The following KCTD21 variants were observed in gnomAD, a reference collection of about 807,000 sequenced individuals.
KCTD21 encodes the protein BTB/POZ domain-containing protein KCTD21.
Under a neutral mutation model 13.2 loss-of-function variants are expected in KCTD21, and 9 were observed. The observed-to-expected ratio is 0.68, with a 90% CI of 0.41 to 1.19. The LOEUF (loss-of-function observed/expected upper bound fraction) is 1.19, where lower values mean the gene tolerates loss of function less well. Among genes scored for constraint, KCTD21 ranks in the 50% most tolerant of loss-of-function variants. The pLI is 0.01. For synonymous variants in KCTD21, 142 were observed against 137.4 expected, an observed-to-expected ratio of 1.03 and a Z score of -0.23; for missense variants, 303 against 336.5, an observed-to-expected ratio of 0.90 and a Z score of 0.78.
In KCTD21 at chr11:78,186,838, C is replaced by A. The variant is rs141267532; in HGVS notation, c.-30+1735G>T. The stretch of plus-strand genomic sequence containing the variant: ...GCATCTGCGGAGAATTTTAGTCTAA[C>A]CCCTTACCACAGCCAACTTTACTTA... On this transcript the variant is annotated intron_variant, in intron 1 of 1. Coordinates refer to ENST00000340067, the MANE Select transcript of KCTD21 (RefSeq NM_001029859.3). The A allele has an allele frequency of 9.4e-4, 922 of 985,434 alleles. 9 individuals are homozygous for A. In the African/African-American group the frequency reaches 0.015, roughly 16 times the overall value. 61.0% of individuals were successfully genotyped at this position (985,434 alleles called of 1,614,324 possible).
intron 1 of KCTD21, chr11:78,174,824 G>T (rs1862399764): frequency 2.6e-6 from 1 of 387,516 alleles, no homozygotes; most frequent in African/African-American, 2.0e-5. Context: ...GACCCCTAAA[G>T]CCTGGGTCCC....
intron 1 of KCTD21, among the ~76,000 whole-genome samples, chr11:78,185,076 T>G (rs1862730412): frequency 1.3e-5 from 2 of 152,208 alleles, no homozygotes. Flanking sequence ...TAATACTGAC[T>G]TCTTGCTTAT....
chr11:78,171,545 G>A lies in KCTD21; in HGVS notation c.*2227C>T, dbSNP rs557069789. On this transcript the variant is annotated 3_prime_UTR_variant, in exon 2 of 2. Transcript: ENST00000340067. ...ATTTGTAAGATTTCTTCCTCAAATT[G>A]TTTTGTTATGACCACAGCTTCTGCT... is the stretch of plus-strand genomic sequence containing the variant. 4.6e-5 allele frequency: 7 copies of A among 152,740 alleles called. No individual in the cohort carries two copies. Among genetic ancestry groups the A allele is most frequent in the African/African-American group, 1.4e-4 (6 of 41,582 alleles). 9.5% of individuals were successfully genotyped at this position (152,740 alleles called of 1,614,324 possible). A position where few individuals can be genotyped will look rare whatever the true frequency, so the allele number is the denominator to read the frequency against.
At chr11:78,178,130 T>TC in intron 1 of KCTD21, 1 of 123,886 alleles carries the variant, frequency 8.1e-6, no homozygotes, top group Non-Finnish European at 1.8e-5. Flanking sequence ...GCCCTTCTTT[T>TC]CTTTTTTTTT....
At chr11:78,182,996 T>C (rs58152435) in intron 1 of KCTD21, among the ~76,000 whole-genome samples, 6,950 of 152,220 alleles carry the variant, frequency 0.046, 469 homozygotes, top group African/African-American at 0.15. Flanking sequence ...GTAATGAAAA[T>C]TGTCCATCTA....
chr11:78,187,823 G>A, intron 1 of KCTD21: 1 of 985,436 alleles, frequency 1.0e-6, no homozygotes. Context: ...CCCACGCCAA[G>A]CTAAACCTCT....
At chr11:78,174,629 A>G in intron 1 of KCTD21, 46 bp from the exon 2 acceptor site, 2 of 1,368,716 alleles carry the variant, frequency 1.5e-6, no homozygotes, top group South Asian at 1.4e-5. Context: ...AAACCTTATC[A>G]GAGAACTCAC....
In KCTD21 at chr11:78,187,211, C is replaced by T. The variant is rs988367540; in HGVS notation, c.-30+1362G>A. The T allele has an allele frequency of 3.0e-6, 3 of 985,402 alleles. No homozygotes were observed. The African/African-American group carries it at 5.2e-5, about 17-fold the overall frequency. The allele number at this position is 985,402 out of a possible 1,614,324, so 61.0% of individuals were successfully genotyped here. On this transcript the variant is annotated intron_variant, in intron 1 of 1. Transcript: ENST00000340067. ...AGTGGGAGACTTCCCCACCTTACCC[C>T]ACCGGAGAAAGGACTCTTTGCCTTG...
At chr11:78,177,186 G>A (rs1329434510) in intron 1 of KCTD21, among the ~76,000 whole-genome samples, 2 of 152,180 alleles carry the variant, frequency 1.3e-5, no homozygotes, top group African/African-American at 4.8e-5. Flanking sequence ...AGAGGATGGG[G>A]GCCATGCCAG....
chr11:78,188,220 CA>C (rs1224841310), intron 1 of KCTD21: 1 of 984,908 alleles, frequency 1.0e-6, no homozygotes, highest in Non-Finnish European at 1.2e-6. Context: ...CTACAGCCCC[CA>C]CTCCGACCTG....
At chr11:78,179,914 C>T (rs1231587565) in intron 1 of KCTD21, among the ~76,000 whole-genome samples, 1 of 152,206 alleles carries the variant, frequency 6.6e-6, no homozygotes, top group African/African-American at 2.4e-5. Context: ...TGCACAACCC[C>T]CTCTGGCAGC....
chr11:78,183,128 T>G (rs1310504449), intron 1 of KCTD21, among the ~76,000 whole-genome samples: 1 of 152,168 alleles, frequency 6.6e-6, no homozygotes, highest in East Asian at 1.9e-4. Flanking sequence ...AATGTCATCA[T>G]CTCTTCTAAA....
rs373812384 is a variant in KCTD21, at chr11:78,173,885, C to T, written c.670G>A (p.Val224Met). ...NKQINSFQVF[V>M]EEVLKIALSD... ...AGAGCGATTTTCAGTACCTCTTCCA[C>T]GAAGACCTGGAAGCTGTTGATCTGC... is the stretch of plus-strand genomic sequence containing the variant. The change falls in exon 2 of 2, where the codon GTG becomes ATG. Residue 224 changes from valine to methionine, a missense_variant. Transcript: ENST00000340067. 6.8e-6 allele frequency: 11 copies of T among 1,614,048 alleles called. No homozygotes were observed. Among genetic ancestry groups the T allele is most frequent in the Non-Finnish European group, 9.3e-6 (11 of 1,180,030 alleles).
chr11:78,173,380 C>T lies in KCTD21; in HGVS notation c.*392G>A. ...TTAACTGGAGGTAGCCTCTTGTTCT[C>T]ATCCCATCCTCTCCACCAGGGCCTT... On this transcript the variant is annotated 3_prime_UTR_variant, in exon 2 of 2. Coordinates refer to ENST00000340067, the MANE Select transcript of KCTD21 (RefSeq NM_001029859.3). 1 of 181,102 alleles carries T rather than the reference C, an allele frequency of 5.5e-6. No individual in the cohort carries two copies. The highest frequency in any genetic ancestry group is 1.2e-5 in the Non-Finnish European group (1 of 84,324). 11.2% of individuals were successfully genotyped at this position (181,102 alleles called of 1,614,324 possible).
chr11:78,187,968 G>C (rs1224013028), intron 1 of KCTD21: 4 of 985,238 alleles, frequency 4.1e-6, no homozygotes, highest in African/African-American at 1.7e-5. Flanking sequence ...CTACTTTTCA[G>C]GGCGTGGGAG....
At chr11:78,180,471 G>A (rs1272744162) in intron 1 of KCTD21, among the ~76,000 whole-genome samples, 1 of 152,186 alleles carries the variant, frequency 6.6e-6, no homozygotes, top group African/African-American at 2.4e-5. Context: ...GAACAGCCTG[G>A]CCGACATGGT....
chr11:78,181,844 T>A (rs1804449835), intron 1 of KCTD21, among the ~76,000 whole-genome samples: 1 of 151,844 alleles, frequency 6.6e-6, no homozygotes, highest in South Asian at 2.1e-4. Context: ...GGAAAAAAAA[T>A]GAAGGTTGTG....
At chr11:78,187,748 T>TG (rs1862833846) in intron 1 of KCTD21, 2 of 985,412 alleles carry the variant, frequency 2.0e-6, no homozygotes, top group South Asian at 9.4e-5. Context: ...TCGGAAGGGT[T>TG]GGGGGGACTG....
At chr11:78,185,289 T>G (rs560935538) in intron 1 of KCTD21, among the ~76,000 whole-genome samples, 1 of 152,206 alleles carries the variant, frequency 6.6e-6, no homozygotes, top group African/African-American at 2.4e-5. Flanking sequence ...TAAGCTTTTA[T>G]GTAAGCTTGA....
Sources: gnomAD v4.1 joint callset for allele counts (sites outside exome capture counted in the v4.1 genomes callset) on GRCh38, gnomAD v4.1.1 for gene constraint, MANE v1.5 for transcripts, NCBI Gene and HGNC (gene_info 2026-07-23, HGNC 2026-07-21) for gene names.